Variants in MRPS9 observed in about 807,000 individuals in gnomAD.
MRPS9 encodes mitochondrial ribosomal protein S9.
MRPS9 carries 45 observed loss-of-function variants against 59.9 expected under a neutral mutation model. The observed-to-expected ratio is 0.75, with a 90% CI of 0.59 to 0.96. The LOEUF (loss-of-function observed/expected upper bound fraction) is 0.96, where lower values mean the gene tolerates loss of function less well. Among genes scored for constraint, MRPS9 ranks in the 40% least tolerant of loss-of-function variants. The pLI is 0.00. For synonymous variants in MRPS9, 171 were observed against 166.8 expected (o/e 1.03, Z -0.19); for missense variants, 473 against 481.1 (o/e 0.98, Z 0.16).
chr2:105,062,367 C>T (rs544905985), intron 2 of MRPS9, among the ~76,000 whole-genome samples: 1 of 152,312 alleles, frequency 6.6e-6, no homozygotes, highest in South Asian at 2.1e-4. Context: ...CGCAGCCTTA[C>T]AGATGGTTGT....
At chr2:105,094,947 C>A (rs1227937297) in intron 9 of MRPS9, among the ~76,000 whole-genome samples, 1 of 152,160 alleles carries the variant, frequency 6.6e-6, no homozygotes, top group South Asian at 2.1e-4. Flanking sequence ...CAGCTTTTTA[C>A]TAAGGACATC....
At chr2:105,073,686 G>C (rs1023244815) in intron 4 of MRPS9, among the ~76,000 whole-genome samples, 2 of 152,054 alleles carry the variant, frequency 1.3e-5, no homozygotes, top group African/African-American at 2.4e-5. Flanking sequence ...ATGACTACTG[G>C]GTCAACAGGA....
intron 2 of MRPS9, among the ~76,000 whole-genome samples, chr2:105,069,504 G>A (rs1025449750): frequency 1.6e-4 from 25 of 152,066 alleles, no homozygotes; most frequent in Non-Finnish European, 7.4e-5. Flanking sequence ...TGAGCCACCA[G>A]GCCCAGCCTG....
At chr2:105,092,595 T>C in intron 8 of MRPS9, 26 bp downstream of exon 8, 1 of 1,458,624 alleles carries the variant, frequency 6.9e-7, no homozygotes, top group Non-Finnish European at 9.1e-7. Flanking sequence ...GGAGAGAAAA[T>C]AAATTCAGTG....
rs191250659 is a variant in MRPS9 at position 105,038,976 on chromosome 2, G to A, written c.135+749G>A. On this transcript the variant is annotated intron_variant, in intron 1 of 10. Coordinates refer to ENST00000258455, the MANE Select transcript of MRPS9 (RefSeq NM_182640.3). ...CGAAATGCCCTGTTACCTTGTAAAT[G>A]GTAACTGAGGCCTTGTAAACAAATT... 7.9e-5 allele frequency among the ~76,000 whole-genome samples: 12 copies of A among 152,290 alleles called. No individual in the cohort carries two copies. The East Asian group carries it at 2.1e-3, about 27-fold the overall frequency.
chr2:105,086,526 T>C (rs1345981551), intron 5 of MRPS9, among the ~76,000 whole-genome samples: 2 of 152,166 alleles, frequency 1.3e-5, no homozygotes. Flanking sequence ...ACGTACAAGA[T>C]AGGTTGATTG....
Position 105,089,010 on chromosome 2 carries a change from A to G in MRPS9, c.516A>G (p.Leu172=). The G allele has an allele frequency of 6.2e-7, 1 of 1,611,698 alleles. No homozygotes were observed. Among genetic ancestry groups the G allele is most frequent in the Non-Finnish European group, 8.5e-7 (1 of 1,178,496 alleles). The change falls in exon 6 of 11, where the codon TTA becomes TTG. Residue 172 remains leucine, a synonymous_variant. Coordinates refer to ENST00000258455, the MANE Select transcript of MRPS9 (RefSeq NM_182640.3). ...MHDVYGMLLN[L]EKHQSHLQAK... is the part of the protein sequence containing the mutation. ...ATGTATATGGAATGTTACTCAATTT[A>G]GAAAAACATCAAAGTCACTTGCAAG...
At chr2:105,097,059 G>A (rs1015786829) in intron 9 of MRPS9, 96 bp from the exon 10 acceptor site, 2 of 1,291,954 alleles carry the variant, frequency 1.5e-6, no homozygotes, top group South Asian at 4.1e-5. Context: ...GTGGCATGCA[G>A]AATATTGTTT....
chr2:105,062,723 A>T (rs1679929697), intron 2 of MRPS9, among the ~76,000 whole-genome samples: 1 of 152,250 alleles, frequency 6.6e-6, no homozygotes, highest in African/African-American at 2.4e-5. Flanking sequence ...ATAAAATGGA[A>T]TTGATAGTAA....
At chr2:105,066,941 C>G (rs1172725440) in intron 2 of MRPS9, among the ~76,000 whole-genome samples, 1 of 152,042 alleles carries the variant, frequency 6.6e-6, no homozygotes. Flanking sequence ...TTCAAATTTC[C>G]AGAAAAGTTG....
At chr2:105,070,439 C>T (rs886840588) in intron 2 of MRPS9, among the ~76,000 whole-genome samples, 30 of 152,068 alleles carry the variant, frequency 2.0e-4, no homozygotes, top group African/African-American at 5.8e-4. Context: ...ATTTACTATG[C>T]GGGTAGGCAG....
At chr2:105,067,991 TA>T (rs1680036231) in intron 2 of MRPS9, among the ~76,000 whole-genome samples, 2 of 151,930 alleles carry the variant, frequency 1.3e-5, no homozygotes, top group South Asian at 4.1e-4. Flanking sequence ...CCACACTTCT[TA>T]AAAATTTTTT....
intron 4 of MRPS9, among the ~76,000 whole-genome samples, chr2:105,078,865 T>C: frequency 6.6e-6 from 1 of 151,706 alleles, no homozygotes; most frequent in Middle Eastern, 3.2e-3. Flanking sequence ...CCAGAAGAAA[T>C]ACAAGAAAAT....
At chr2:105,071,750 T>G (rs1234400852) in intron 4 of MRPS9, among the ~76,000 whole-genome samples, 2 of 152,228 alleles carry the variant, frequency 1.3e-5, no homozygotes, top group African/African-American at 4.8e-5. Context: ...TATGTCCTTT[T>G]GAGGGAGAGT....
In MRPS9 at chr2:105,092,398, C is replaced by T; in HGVS notation, c.652-3C>T. The T allele has an allele frequency of 6.3e-7, 1 of 1,595,656 alleles. No individual in the cohort carries two copies. The highest frequency in any genetic ancestry group is 1.2e-5 in the South Asian group (1 of 86,882). ...CCTTCTAATGAATTTTTATTGTCTG[C>T]AGTATATGCAGTTCATTCGGCTGCT... On this transcript the variant is annotated splice_polypyrimidine_tract_variant and splice_region_variant and intron_variant, in intron 7 of 10. Coordinates refer to ENST00000258455, the MANE Select transcript of MRPS9 (RefSeq NM_182640.3).
chr2:105,079,940 T>A (rs1283861764), intron 4 of MRPS9, 43 bp from the exon 5 acceptor site: 1 of 1,442,494 alleles, frequency 6.9e-7, no homozygotes, highest in Non-Finnish European at 9.7e-7. Flanking sequence ...GGTCTGTCTC[T>A]GTGTATATTT....
intron 1 of MRPS9, among the ~76,000 whole-genome samples, chr2:105,041,383 C>T (rs1192856180): frequency 1.3e-5 from 2 of 152,164 alleles, no homozygotes; most frequent in Admixed American, 6.5e-5. Context: ...TTTCCTAGTG[C>T]TTAAATATTC....
intron 1 of MRPS9, among the ~76,000 whole-genome samples, chr2:105,046,577 A>T (rs1467054403): frequency 6.6e-6 from 1 of 151,834 alleles, no homozygotes; most frequent in Non-Finnish European, 1.5e-5. Context: ...TCTCACACAC[A>T]TTCTCAAATT....
At chr2:105,058,701 A>C (rs1459142363) in intron 2 of MRPS9, among the ~76,000 whole-genome samples, 3 of 143,580 alleles carry the variant, frequency 2.1e-5, no homozygotes, top group Non-Finnish European at 4.6e-5. Context: ...TTCGAGACAG[A>C]GTCTCTCTCT....
Sources: allele counts gnomAD v4.1 joint callset (sites outside exome capture counted in the v4.1 genomes callset), GRCh38; gene constraint gnomAD v4.1.1; transcripts MANE v1.5; gene names NCBI Gene and HGNC (gene_info 2026-07-23, HGNC 2026-07-21).